POLB: variants seen among roughly 807,000 people sequenced by gnomAD.
The protein encoded by POLB is DNA polymerase beta.
In POLB, 37 loss-of-function variants were observed where a neutral mutation model predicts 52.7. The ratio of observed to expected loss-of-function variants is 0.70; its 90% CI spans 0.54 to 0.92. The LOEUF (loss-of-function observed/expected upper bound fraction) is 0.92, where lower values mean the gene tolerates loss of function less well. Ranked by LOEUF, POLB falls within the 40% of genes least tolerant of loss-of-function variation. The pLI, the probability that POLB is intolerant of heterozygous loss-of-function variation, is 0.00. For synonymous variants in POLB, 138 were observed against 131.3 expected, an observed-to-expected ratio of 1.05 and a Z score of -0.35; for missense variants, 313 against 400.8, an observed-to-expected ratio of 0.78 and a Z score of 1.87.
At chr8:42,350,161 CACCACCTCTGT>C in intron 5 of POLB, 96 bp downstream of exon 5, 1 of 824,042 alleles carries the variant, frequency 1.2e-6, no homozygotes, top group Non-Finnish European at 2.1e-6. Flanking sequence ...ACCTGTACTT[CACCACCTCTGT>C]ACCTTAGCCA....
chr8:42,348,559 T>C (rs1252573673), intron 3 of POLB, among the ~76,000 whole-genome samples: 1 of 152,156 alleles, frequency 6.6e-6, no homozygotes, highest in Non-Finnish European at 1.5e-5. Flanking sequence ...ACATGGTGAA[T>C]GAGAAACTCT....
intron 11 of POLB, among the ~76,000 whole-genome samples, chr8:42,366,242 C>T (rs1030948618): frequency 6.6e-6 from 1 of 152,126 alleles, no homozygotes; most frequent in Non-Finnish European, 1.5e-5. Context: ...GGAAAGAATA[C>T]TAAGGCCACT....
chr8:42,352,458 A>C, intron 5 of POLB, 61 bp from the exon 6 acceptor site: 2 of 1,026,340 alleles, frequency 1.9e-6, no homozygotes, highest in Non-Finnish European at 3.1e-6. Flanking sequence ...CTATTAAGAC[A>C]TGGTTGTTAC....
At chr8:42,362,045 G>A (rs1002569445) in intron 10 of POLB, among the ~76,000 whole-genome samples, 3 of 152,132 alleles carry the variant, frequency 2.0e-5, no homozygotes, top group Non-Finnish European at 2.9e-5. Context: ...GGTGGATCAC[G>A]AGGTCAGGAG....
chr8:42,365,036 A>G (rs1823953019), intron 11 of POLB, among the ~76,000 whole-genome samples: 2 of 152,112 alleles, frequency 1.3e-5, no homozygotes, highest in Non-Finnish European at 2.9e-5. Context: ...ATAGTGAGCC[A>G]TGATCGCACT....
chr8:42,361,480 C>T, intron 10 of POLB, 115 bp downstream of exon 10: 1 of 760,608 alleles, frequency 1.3e-6, no homozygotes, highest in Non-Finnish European at 2.3e-6. Context: ...CCTGAAAAGT[C>T]TGAAGAGCTT....
chr8:42,339,141 T>C, intron 2 of POLB, 72 bp downstream of exon 2: 1 of 1,150,952 alleles, frequency 8.7e-7, no homozygotes, highest in South Asian at 1.2e-5. Flanking sequence ...TTAACAGGAC[T>C]GAGGGCCCAG....
chr8:42,356,287 C>T (rs1823312299), intron 7 of POLB, among the ~76,000 whole-genome samples: 1 of 152,174 alleles, frequency 6.6e-6, no homozygotes, highest in Non-Finnish European at 1.5e-5. Flanking sequence ...TGGTATGGTT[C>T]TTGCTCTCCT....
chr8:42,344,608 G>T (rs1443389969), intron 2 of POLB, among the ~76,000 whole-genome samples: 2 of 152,042 alleles, frequency 1.3e-5, no homozygotes, highest in East Asian at 3.9e-4. Flanking sequence ...GCCAAGGCAG[G>T]TGGATCACGA....
rs1822864230 is a variant in POLB at position 42,349,875 on chromosome 8, A to C, written c.262-132A>C. On this transcript the variant is annotated intron_variant, in intron 4 of 13. Transcript: ENST00000265421. ...TTACTCCTTAGGTTACTTGTGAATAATTTTGTGTGGGTCACCCAGGCAAAT... is the reference window on the plus strand; with the variant it reads ...TTACTCCTTAGGTTACTTGTGAATACTTTTGTGTGGGTCACCCAGGCAAAT... The C allele has an allele frequency of 1.7e-5, 11 of 660,894 alleles. No individual in the cohort carries two copies. In the East Asian group the frequency reaches 2.9e-4, roughly 18 times the overall value. 40.9% of individuals were successfully genotyped at this position (660,894 alleles called of 1,614,324 possible).
chr8:42,367,407 A>G (rs1254774730), intron 11 of POLB, among the ~76,000 whole-genome samples: 1 of 152,168 alleles, frequency 6.6e-6, no homozygotes, highest in Non-Finnish European at 1.5e-5. Flanking sequence ...ATAGGGAGTT[A>G]GCTAAGCCGG....
intron 2 of POLB, chr8:42,342,114 A>G (rs1822239093): frequency 7.9e-7 from 1 of 1,267,748 alleles, no homozygotes; most frequent in African/African-American, 1.5e-5. Flanking sequence ...CCAGGGAATC[A>G]TTTGGTACTT....
Position 42,339,079 on chromosome 8 carries a change from T to TGCA in POLB, c.119+14_119+16dup. 1 of 1,605,646 alleles carries TGCA rather than the reference T, an allele frequency of 6.2e-7. No homozygotes were observed. The highest frequency in any genetic ancestry group is 1.1e-5 in the South Asian group (1 of 90,908). ...AGTACAATGCTTACAGGTGGGACAG[T>TGCA]GCAGCATTCTCGGGTAGCATACGTT... On this transcript the variant is annotated intron_variant, in intron 2 of 13. Coordinates refer to ENST00000265421, the MANE Select transcript of POLB (RefSeq NM_002690.3).
At chr8:42,352,702 T>C (rs187630436) in intron 6 of POLB, 134 bp downstream of exon 6, 13 of 664,214 alleles carry the variant, frequency 2.0e-5, no homozygotes, top group Middle Eastern at 8.2e-4. Context: ...TTTTTAACTC[T>C]GTAGTACAGT....
At chr8:42,362,770 G>A in intron 11 of POLB, 72 bp downstream of exon 11, 1 of 769,902 alleles carries the variant, frequency 1.3e-6, no homozygotes, top group Non-Finnish European at 2.3e-6. Flanking sequence ...CTGAGTGTGT[G>A]ACTTCATGGT....
chr8:42,351,331 A>G (rs1822968525), intron 5 of POLB, among the ~76,000 whole-genome samples: 1 of 152,186 alleles, frequency 6.6e-6, no homozygotes, highest in Non-Finnish European at 1.5e-5. Context: ...CATCAGTATC[A>G]GTTTCTATAT....
chr8:42,352,877 C>G (rs902425116), intron 6 of POLB, among the ~76,000 whole-genome samples: 4 of 152,108 alleles, frequency 2.6e-5, no homozygotes, highest in Admixed American at 2.0e-4. Context: ...GGGTTCGAGA[C>G]CAGTCTGGCC....
Position 42,342,506 on chromosome 8 carries a change from A to G in POLB, c.120-2447A>G, listed in dbSNP as rs932625982. ...ATCATCCTCTATTTGGGTGTGTTGT[A>G]TTTATTTTTATCCTGTATTACCAAG... On this transcript the variant is annotated intron_variant, in intron 2 of 13. Transcript: ENST00000265421. The G allele has an allele frequency of 4.0e-5, 38 of 946,044 alleles. No homozygotes were observed. The Admixed American group carries it at 6.4e-4, about 16-fold the overall frequency. 58.6% of individuals were successfully genotyped at this position (946,044 alleles called of 1,614,324 possible). A position where few individuals can be genotyped will look rare whatever the true frequency, so the allele number is the denominator to read the frequency against.
In POLB at chr8:42,353,892, T is replaced by A. The variant is rs528817105; in HGVS notation, c.370+1324T>A. Among the ~76,000 whole-genome samples the A allele has an allele frequency of 4.9e-5, 7 of 142,664 alleles. No homozygotes were observed. The South Asian group carries it at 1.5e-3, about 30-fold the overall frequency. 93.6% of individuals were successfully genotyped at this position (142,664 alleles called of 152,430 possible). A position where few individuals can be genotyped will look rare whatever the true frequency, so the allele number is the denominator to read the frequency against. ...CAGAGTGCTTGGTACCTAGTACTACTTAAAAATGGTAACCAACTCTTATGA... is the reference window on the plus strand; with the variant it reads ...CAGAGTGCTTGGTACCTAGTACTACATAAAAATGGTAACCAACTCTTATGA... On this transcript the variant is annotated intron_variant, in intron 6 of 13. Transcript: ENST00000265421.
Sources: gnomAD v4.1 joint callset for allele counts (sites outside exome capture counted in the v4.1 genomes callset) on GRCh38, gnomAD v4.1.1 for gene constraint, MANE v1.5 for transcripts, NCBI Gene and HGNC (gene_info 2026-07-23, HGNC 2026-07-21) for gene names.